The following CD1B variants were observed in gnomAD, a reference collection of about 807,000 sequenced individuals.
CD1B encodes the protein T-cell surface glycoprotein CD1b.
Under a neutral mutation model 39.8 loss-of-function variants are expected in CD1B, and 43 were observed. That is an observed-to-expected ratio of 1.08 (90% CI 0.85 to 1.39). The LOEUF (loss-of-function observed/expected upper bound fraction) is 1.39, where lower values mean the gene tolerates loss of function less well. CD1B is among the 40% of genes most tolerant of loss of function. The pLI is 0.00. For synonymous variants in CD1B, 192 were observed against 152.5 expected (o/e 1.26, Z -1.91); for missense variants, 495 against 403.8 (o/e 1.23, Z -1.94).
the CD1B span, among the ~76,000 whole-genome samples, chr1:158,317,332 AT>A: frequency 6.6e-6 from 1 of 152,168 alleles, no homozygotes; most frequent in Non-Finnish European, 1.5e-5. Flanking sequence ...TATTGCCACA[AT>A]TTCATATCCT....
At chr1:158,327,021 T>G (rs1469740552), downstream of CD1B, among the ~76,000 whole-genome samples, 1 of 152,164 alleles carries the variant, frequency 6.6e-6, no homozygotes, top group African/African-American at 2.4e-5. Context: ...GGTCTCAAAC[T>G]CCTGACCTCA....
At chr1:158,307,668 C>T in the CD1B span, among the ~76,000 whole-genome samples, 1 of 152,078 alleles carries the variant, frequency 6.6e-6, no homozygotes, top group African/African-American at 2.4e-5. Context: ...TGACGAACAT[C>T]GATGCAGAAA....
the CD1B span, among the ~76,000 whole-genome samples, chr1:158,302,012 C>T: frequency 2.4e-3 from 371 of 152,056 alleles, 2 homozygotes; most frequent in African/African-American, 8.2e-3. Context: ...AGTTGCAGAC[C>T]GGAGCTCTTC....
At chr1:158,295,920 A>G in the CD1B span, among the ~76,000 whole-genome samples, 4 of 151,760 alleles carry the variant, frequency 2.6e-5, no homozygotes, top group Non-Finnish European at 2.9e-5. Flanking sequence ...CTGCCTTGCT[A>G]CCACTTCTGT....
At chr1:158,295,836 C>T in the CD1B span, among the ~76,000 whole-genome samples, 1 of 147,154 alleles carries the variant, frequency 6.8e-6, no homozygotes, top group African/African-American at 2.7e-5. Context: ...TAGCTTCTGT[C>T]ACTGGCCTCA....
At chr1:158,326,208 G>A (rs1352613441), downstream of CD1B, among the ~76,000 whole-genome samples, 3 of 151,978 alleles carry the variant, frequency 2.0e-5, no homozygotes, top group Non-Finnish European at 4.4e-5. Flanking sequence ...AACTGACCTC[G>A]TGATCCGCCC....
the CD1B span, among the ~76,000 whole-genome samples, chr1:158,300,070 T>C: frequency 6.6e-6 from 1 of 152,220 alleles, no homozygotes; most frequent in African/African-American, 2.4e-5. Flanking sequence ...GTTCTTTTAA[T>C]GTGATGTTAG....
At chr1:158,312,536 T>A in the CD1B span, among the ~76,000 whole-genome samples, 1 of 152,218 alleles carries the variant, frequency 6.6e-6, no homozygotes, top group African/African-American at 2.4e-5. Context: ...ATTTCTTTCA[T>A]CAGTGTTTTA....
the CD1B span, chr1:158,292,020 G>T: frequency 6.6e-7 from 1 of 1,513,042 alleles, no homozygotes; most frequent in African/African-American, 1.4e-5. Flanking sequence ...ACAGCCCTAG[G>T]TTTTTATACT....
At chr1:158,324,337 CCT>C (rs1652278229), downstream of CD1B, among the ~76,000 whole-genome samples, 1 of 152,112 alleles carries the variant, frequency 6.6e-6, no homozygotes, top group Non-Finnish European at 1.5e-5. Context: ...CAGATTACTC[CCT>C]GATTCCTGAG....
At chr1:158,314,748 G>T in the CD1B span, among the ~76,000 whole-genome samples, 2 of 151,272 alleles carry the variant, frequency 1.3e-5, no homozygotes, top group East Asian at 1.9e-4. Flanking sequence ...GCTGGTGCGC[G>T]GCACCCACTA....
the CD1B span, among the ~76,000 whole-genome samples, chr1:158,321,828 G>A: frequency 6.6e-6 from 1 of 152,134 alleles, no homozygotes; most frequent in Non-Finnish European, 1.5e-5. Context: ...AGGAAAACGT[G>A]TGCCATGGTG....
Position 158,328,209 on chromosome 1 carries a change from G to T in CD1B, c.*27C>A. On this transcript the variant is annotated 3_prime_UTR_variant, in exon 6 of 6. Transcript: ENST00000368168. ...TCTTGGGCTTCTTGGTACTTATTGCGAATGGGAGAGGAGACATGATGATGG... is the reference window on the plus strand; with the variant it reads ...TCTTGGGCTTCTTGGTACTTATTGCTAATGGGAGAGGAGACATGATGATGG... 1 of 1,594,538 alleles carries T rather than the reference G, an allele frequency of 6.3e-7. No homozygotes were observed. The highest frequency in any genetic ancestry group is 8.6e-7 in the Non-Finnish European group (1 of 1,164,322).
At chr1:158,292,738 T>G in the CD1B span, 1 of 1,614,110 alleles carries the variant, frequency 6.2e-7, no homozygotes, top group Non-Finnish European at 8.5e-7. Context: ...GCACTAAACA[T>G]GGTGATATTC....
the CD1B span, among the ~76,000 whole-genome samples, chr1:158,301,838 C>A: frequency 6.6e-6 from 1 of 152,168 alleles, no homozygotes; most frequent in African/African-American, 2.4e-5. Flanking sequence ...GCCTGCCTTG[C>A]TAGGTTGGGG....
At chr1:158,295,595 T>C in the CD1B span, among the ~76,000 whole-genome samples, 22 of 152,284 alleles carry the variant, frequency 1.4e-4, no homozygotes, top group Admixed American at 5.2e-4. Context: ...CATGCTCCTC[T>C]AGGTGGCTTT....
At chr1:158,316,173 G>GT in the CD1B span, among the ~76,000 whole-genome samples, 1 of 151,952 alleles carries the variant, frequency 6.6e-6, no homozygotes, top group African/African-American at 2.4e-5. Flanking sequence ...ACTAAAAATA[G>GT]TTTTTTCCAA....
At position 158,328,250 on chromosome 1, in the gene CD1B, G is replaced by C. The variant is rs370087365; in HGVS notation, c.988C>G (p.Gln330Glu). 7.2e-5 allele frequency: 116 copies of C among 1,611,572 alleles called. No individual in the cohort carries two copies. Among genetic ancestry groups the C allele is most frequent in the Non-Finnish European group, 9.7e-5 (114 of 1,178,140 alleles). Residue 330 changes from glutamine (Q) to glutamate (E), a missense_variant, in exon 6 of 6, where the codon CAG (glutamine) becomes GAG (glutamate). Physicochemically the swap from Gln to Glu is conservative, Grantham distance 29. Coordinates refer to ENST00000368168, the MANE Select transcript of CD1B (RefSeq NM_001764.3). ...ATGATGATGGCTCATGGGATATTCT[G>C]ATATGACCTGTTAAAAACAGAAGAA... is the stretch of plus-strand genomic sequence containing the variant. ...ALWYMRRRSY[Q>E]NIP
At chr1:158,331,317 T>C (rs1652593582) in intron 1 of CD1B, 46 bp downstream of exon 1, 1 of 1,570,788 alleles carries the variant, frequency 6.4e-7, no homozygotes. Context: ...CTTTTTAAAA[T>C]CCAAACCCCT....
Sources: gnomAD v4.1 joint callset for allele counts (sites outside exome capture counted in the v4.1 genomes callset) on GRCh38, gnomAD v4.1.1 for gene constraint, MANE v1.5 for transcripts, NCBI Gene and HGNC (gene_info 2026-07-23, HGNC 2026-07-21) for gene names.